The following HDAC9 variants were observed in gnomAD, a reference collection of about 807,000 sequenced individuals.
HDAC9 encodes histone deacetylase 9.
HDAC9 carries 41 observed loss-of-function variants against 139.4 expected under a neutral mutation model. The ratio of observed to expected loss-of-function variants is 0.29; its 90% CI spans 0.23 to 0.38. HDAC9 has a LOEUF of 0.38. Among genes scored for constraint, HDAC9 ranks in the 10% least tolerant of loss-of-function variants. The probability of loss-of-function intolerance (pLI) is 1.00; values close to 1 mark genes in which losing one functional copy is unlikely to be tolerated. For synonymous variants in HDAC9, 517 were observed against 476.2 expected (o/e 1.09, Z -1.12); for missense variants, 1,147 against 1,297.0 (o/e 0.88, Z 1.78).
rs1237331396 is a variant in HDAC9, at chr7:18,590,449, G to A, written c.378G>A (p.Gln126=). 6.2e-7 allele frequency: 1 copy of A among 1,604,982 alleles called. No individual in the cohort carries two copies. Among genetic ancestry groups the A allele is most frequent in the South Asian group, 1.1e-5 (1 of 89,306 alleles). ...QEVERHRREQ[Q]LPPLRGKDRG... is the part of the protein sequence containing the mutation. ...TAGAGAGGCATCGCAGAGAACAGCA[G>A]CTTCCTCCTCTCAGAGGCAAAGATA... Residue 126 remains glutamine (Q), a synonymous_variant, in exon 4 of 26, where the codon CAG becomes CAA. Coordinates refer to ENST00000686413, the MANE Select transcript of HDAC9 (RefSeq NM_178425.4).
At chr7:18,887,442 C>CT (rs910159339) in intron 22 of HDAC9, among the ~76,000 whole-genome samples, 1 of 152,126 alleles carries the variant, frequency 6.6e-6, no homozygotes, top group African/African-American at 2.4e-5. Flanking sequence ...CAACTAACTT[C>CT]TTTTTTTGTG....
At chr7:18,865,961 A>G (rs77809367) in intron 21 of HDAC9, among the ~76,000 whole-genome samples, 1,906 of 151,600 alleles carry the variant, frequency 0.013, 37 homozygotes, top group African/African-American at 0.043. Flanking sequence ...ATATGCTATT[A>G]TAAATTATAC....
In HDAC9 at chr7:18,635,922, A is replaced by G. The variant is rs546094251; in HGVS notation, c.912+1180A>G. On this transcript the variant is annotated intron_variant, in intron 8 of 25. Coordinates refer to ENST00000686413, the MANE Select transcript of HDAC9 (RefSeq NM_178425.4). ...TTGACTGATATGTCTCTGTACAGCTATTGCTCTGTAATTTCATATATTTTA... is the reference window on the plus strand; with the variant it reads ...TTGACTGATATGTCTCTGTACAGCTGTTGCTCTGTAATTTCATATATTTTA... Among the ~76,000 whole-genome samples the G allele has an allele frequency of 2.6e-5, 4 of 152,206 alleles. No homozygotes were observed. In the South Asian group the frequency reaches 8.3e-4, roughly 32 times the overall value.
At chr7:18,437,461 A>G (rs549147569) in intron 1 of HDAC9, among the ~76,000 whole-genome samples, 1 of 151,934 alleles carries the variant, frequency 6.6e-6, no homozygotes, top group South Asian at 2.1e-4. Context: ...TCCCATCAAA[A>G]TATACACTTC....
chr7:18,996,766 C>G lies in HDAC9; in HGVS notation c.*704C>G, dbSNP rs1786489237. 6.6e-6 allele frequency: 1 copy of G among 152,036 alleles called. No homozygotes were observed. Among genetic ancestry groups the G allele is most frequent in the Admixed American group, 6.6e-5 (1 of 15,246 alleles). 9.4% of individuals were successfully genotyped at this position (152,036 alleles called of 1,614,324 possible). On this transcript the variant is annotated 3_prime_UTR_variant, in exon 26 of 26. Transcript: ENST00000686413. ...TTATATCACTTTTTTTTAAACATCC[C>G]CAACATCTTTGTGTTCTCACACACA... is the stretch of plus-strand genomic sequence containing the variant.
chr7:18,291,616 C>T (rs1797815719), intron 1 of HDAC9, among the ~76,000 whole-genome samples: 1 of 152,064 alleles, frequency 6.6e-6, no homozygotes. Context: ...GCATATTGGG[C>T]TGTCTTCTGA....
At chr7:18,413,727 T>TG (rs748138736) in intron 1 of HDAC9, among the ~76,000 whole-genome samples, 1 of 152,286 alleles carries the variant, frequency 6.6e-6, no homozygotes, top group Non-Finnish European at 1.5e-5. Flanking sequence ...TGGGAATCAC[T>TG]ATTCTGTATA....
At position 18,793,413 on chromosome 7, in the gene HDAC9, C is replaced by T. The variant is rs778124622; in HGVS notation, c.2283C>T (p.Val761=). 3.5e-5 allele frequency: 56 copies of T among 1,585,068 alleles called. No homozygotes were observed. Among genetic ancestry groups the T allele is most frequent in the Non-Finnish European group, 4.6e-5 (54 of 1,165,686 alleles). Residue 761 remains valine, a synonymous_variant, in exon 17 of 26, where the codon GTC becomes GTT. Coordinates refer to ENST00000686413, the MANE Select transcript of HDAC9 (RefSeq NM_178425.4). ...CTGCACGCATGGCTGTTGGCTGTGT[C>T]ATCGAGCTGGCTTCCAAAGTGGCCT... ...SGAARMAVGC[V]IELASKVASG...
At chr7:18,743,229 A>T (rs1050703462) in intron 13 of HDAC9, among the ~76,000 whole-genome samples, 2 of 152,170 alleles carry the variant, frequency 1.3e-5, no homozygotes, top group Non-Finnish European at 2.9e-5. Flanking sequence ...GCAACACTTA[A>T]TCTAATTCCT....
chr7:18,673,627 A>G (rs1276217097), intron 12 of HDAC9, among the ~76,000 whole-genome samples: 1 of 152,014 alleles, frequency 6.6e-6, no homozygotes, highest in Non-Finnish European at 1.5e-5. Context: ...CATGGTTTGC[A>G]TTTGTGACTC....
intron 14 of HDAC9, among the ~76,000 whole-genome samples, chr7:18,761,893 CTG>C (rs1244274561): frequency 6.6e-6 from 1 of 152,136 alleles, no homozygotes; most frequent in Non-Finnish European, 1.5e-5. Flanking sequence ...CTATTAATTT[CTG>C]TGTTATAGCT....
intron 5 of HDAC9, among the ~76,000 whole-genome samples, chr7:18,593,055 A>G (rs1831432930): frequency 2.0e-5 from 3 of 152,142 alleles, no homozygotes; most frequent in Non-Finnish European, 2.9e-5. Context: ...GTCCAACTGC[A>G]GATAACCACA....
At chr7:18,648,718 G>A (rs1298416872) in intron 11 of HDAC9, 35 bp downstream of exon 11, 11 of 1,563,018 alleles carry the variant, frequency 7.0e-6, no homozygotes, top group South Asian at 4.6e-5. Context: ...TGTTCTAACC[G>A]CCAGTTTGGA....
chr7:18,658,835 G>T (rs949988086), intron 11 of HDAC9, among the ~76,000 whole-genome samples: 3 of 148,564 alleles, frequency 2.0e-5, no homozygotes, highest in African/African-American at 7.5e-5. Flanking sequence ...TTTCCTTGGA[G>T]CTTAAGGGAA....
At chr7:18,630,519 G>A (rs994197702) in intron 7 of HDAC9, among the ~76,000 whole-genome samples, 3 of 152,034 alleles carry the variant, frequency 2.0e-5, no homozygotes, top group African/African-American at 4.8e-5. Context: ...AAGTTTGGCC[G>A]ATAATTTTTG....
intron 1 of HDAC9, among the ~76,000 whole-genome samples, chr7:18,422,572 T>C (rs1394802282): frequency 1.3e-5 from 2 of 152,162 alleles, no homozygotes; most frequent in Non-Finnish European, 2.9e-5. Flanking sequence ...GCATTGATTT[T>C]ATAAAACAGA....
intron 17 of HDAC9, among the ~76,000 whole-genome samples, chr7:18,802,269 C>A (rs1319743998): frequency 6.6e-6 from 1 of 151,548 alleles, no homozygotes; most frequent in African/African-American, 2.4e-5. Context: ...TTTTTTGAGC[C>A]ATTAGTGTAT....
intron 24 of HDAC9, among the ~76,000 whole-genome samples, chr7:18,974,483 C>T (rs1225745018): frequency 6.6e-6 from 1 of 152,186 alleles, no homozygotes; most frequent in African/African-American, 2.4e-5. Context: ...GTGTCCTCGA[C>T]ATGTGGAAAA....
intron 19 of HDAC9, among the ~76,000 whole-genome samples, chr7:18,831,901 G>A (rs560035314): frequency 2.1e-4 from 32 of 152,298 alleles, no homozygotes; most frequent in African/African-American, 7.7e-4. Context: ...GATGGCAAAG[G>A]TACTCCTTTG....
Sources: gnomAD v4.1 joint callset for allele counts (sites outside exome capture counted in the v4.1 genomes callset) on GRCh38, gnomAD v4.1.1 for gene constraint, MANE v1.5 for transcripts, NCBI Gene and HGNC (gene_info 2026-07-23, HGNC 2026-07-21) for gene names.